Variants in RBFOX3 observed in about 807,000 individuals in gnomAD.
The protein encoded by RBFOX3 is RNA binding fox-1 homolog 3, also known as RNA binding protein fox-1 homolog 3.
A neutral mutation model predicts 48.7 loss-of-function variants in RBFOX3; 17 were observed. The observed-to-expected ratio is 0.35, with a 90% confidence interval of 0.24 to 0.52. RBFOX3 has a LOEUF of 0.52. Ranked by LOEUF, RBFOX3 falls within the 20% of genes least tolerant of loss-of-function variation. RBFOX3 has a pLI of 0.94. For missense variants in RBFOX3, 382 were observed against 497.5 expected (o/e 0.77, Z 2.21); for synonymous variants, 212 against 209.5 (o/e 1.01, Z -0.10).
intron 14 of RBFOX3, among the ~76,000 whole-genome samples, chr17:79,093,195 G>C (rs1269364091): frequency 1.3e-5 from 2 of 152,200 alleles, no homozygotes; most frequent in Non-Finnish European, 2.9e-5. Context: ...TGTCCTACTG[G>C]GGAGAGCGGG....
In RBFOX3 at chr17:79,115,701, G is replaced by GC; in HGVS notation, c.14_15insG (p.Tyr5Ter). MAQP[Y>*]PPAQYPPPPQ... Reference sequence around the variant, plus strand: ...GCGGAGGGGGGTACTGGGCGGGGGGGTAGGGCTGGGCCATCGCTTCAGGCG... The same window carrying GC: ...GCGGAGGGGGGTACTGGGCGGGGGGGCTAGGGCTGGGCCATCGCTTCAGGCG... The change falls in exon 5 of 15, where the codon TAC becomes TAGC. Residue 5 changes from tyrosine (Y) to a stop codon, truncating the protein, a stop_gained and frameshift_variant. Coordinates refer to ENST00000693108, the MANE Select transcript of RBFOX3 (RefSeq NM_001350451.2). LOFTEE classifies it high-confidence loss of function. 3 of 415,910 alleles carry GC rather than the reference G, an allele frequency of 7.2e-6. No homozygotes were observed. Among genetic ancestry groups the GC allele is most frequent in the East Asian group, 5.9e-5 (1 of 16,810 alleles). 25.8% of individuals were successfully genotyped at this position (415,910 alleles called of 1,614,324 possible).
intron 1 of RBFOX3, among the ~76,000 whole-genome samples, 120 bp downstream of exon 1, chr17:79,610,706 A>G (rs1297202253): frequency 1.3e-5 from 2 of 151,936 alleles, no homozygotes; most frequent in African/African-American, 4.8e-5. Context: ...CGCGCTCAGC[A>G]GCCCGCCTCC....
chr17:79,284,355 C>A (rs1367358872), intron 3 of RBFOX3, among the ~76,000 whole-genome samples: 93 of 152,304 alleles, frequency 6.1e-4, no homozygotes, highest in African/African-American at 2.2e-3. Context: ...TAATAACTTT[C>A]TTCAATGTTT....
At position 79,586,625 on chromosome 17, in the gene RBFOX3, GC is replaced by G. The variant is rs2093258290; in HGVS notation, c.-320+24200del. Reference sequence around the variant, plus strand: ...ATGTGGCTAAATCCATTCTGGTAGGGCTTGTAATTGAGCTACTTGGTGAGAT... The same window carrying G: ...ATGTGGCTAAATCCATTCTGGTAGGGTTGTAATTGAGCTACTTGGTGAGAT... On this transcript the variant is annotated intron_variant, in intron 1 of 14. Coordinates refer to ENST00000693108, the MANE Select transcript of RBFOX3 (RefSeq NM_001350451.2). Among the ~76,000 whole-genome samples, 3 of 152,296 alleles carry G rather than the reference GC, an allele frequency of 2.0e-5. No homozygotes were observed. In the South Asian group the frequency reaches 6.2e-4, roughly 32 times the overall value.
At chr17:79,386,574 T>A (rs1201637549) in intron 2 of RBFOX3, among the ~76,000 whole-genome samples, 1 of 152,194 alleles carries the variant, frequency 6.6e-6, no homozygotes, top group East Asian at 1.9e-4. Context: ...AGCCCCCAAG[T>A]GTTCTGTTCT....
the RBFOX3 span, among the ~76,000 whole-genome samples, chr17:79,634,801 T>C: frequency 6.6e-6 from 1 of 152,122 alleles, no homozygotes; most frequent in Non-Finnish European, 1.5e-5. Context: ...GGCTCACACC[T>C]GTAATCCCAG....
At chr17:79,168,218 T>C (rs923430877) in intron 4 of RBFOX3, among the ~76,000 whole-genome samples, 5 of 151,964 alleles carry the variant, frequency 3.3e-5, no homozygotes, top group Non-Finnish European at 7.4e-5. Flanking sequence ...AAGAGGCAGG[T>C]GCGGCTTGCC....
At chr17:79,522,826 A>G (rs1473321994) in intron 1 of RBFOX3, among the ~76,000 whole-genome samples, 1 of 146,172 alleles carries the variant, frequency 6.8e-6, no homozygotes, top group Non-Finnish European at 1.5e-5. Flanking sequence ...GCTACTAGGG[A>G]GGCTGAGGCA....
Position 79,111,128 on chromosome 17 carries a change from A to G in RBFOX3, c.223-4340T>C, listed in dbSNP as rs2031238331. On this transcript the variant is annotated intron_variant, in intron 5 of 14. Transcript: ENST00000693108. This position sits in a 1 kb window ranked among gnomAD's most constrained non-coding sequence, Gnocchi z 4.2. ...CCGAGGAGGCTCAGGCCCGACGGAC[A>G]GCAGAAAGGACAGAGGTTCATCCTG... Among the ~76,000 whole-genome samples the G allele has an allele frequency of 6.6e-6, 1 of 152,236 alleles. No homozygotes were observed. The highest frequency in any genetic ancestry group is 2.4e-5 in the African/African-American group (1 of 41,464).
chr17:79,496,359 G>C (rs1331273890), intron 1 of RBFOX3, among the ~76,000 whole-genome samples: 2 of 152,088 alleles, frequency 1.3e-5, no homozygotes, highest in African/African-American at 2.4e-5. Flanking sequence ...GGAAGGTTTT[G>C]TTTTTTAATG....
At chr17:79,555,966 C>T (rs2143931472) in intron 1 of RBFOX3, among the ~76,000 whole-genome samples, 1 of 152,078 alleles carries the variant, frequency 6.6e-6, no homozygotes, top group Admixed American at 6.5e-5. Context: ...AACAATGTCA[C>T]CAAAACCCAA....
chr17:79,097,691 C>G lies in RBFOX3; in HGVS notation c.622+1G>C. 8.0e-7 allele frequency: 1 copy of G among 1,251,296 alleles called. No homozygotes were observed. The highest frequency in any genetic ancestry group is 1.1e-6 in the Non-Finnish European group (1 of 917,390). The allele number at this position is 1,251,296 out of a possible 1,614,324, so 77.5% of individuals were successfully genotyped here. A position where few individuals can be genotyped will look rare whatever the true frequency, so the allele number is the denominator to read the frequency against. On this transcript the variant is annotated splice_donor_variant, in intron 10 of 14. Transcript: ENST00000693108. LOFTEE classifies it high-confidence loss of function. ...CATCCCCGCCCCGCCCCAGCTTTTACCTGCATAGAATTCAGGCCCGTAGAC... is the reference window on the plus strand; with the variant it reads ...CATCCCCGCCCCGCCCCAGCTTTTAGCTGCATAGAATTCAGGCCCGTAGAC...
At chr17:79,653,817 A>G in the RBFOX3 span, among the ~76,000 whole-genome samples, 1 of 149,946 alleles carries the variant, frequency 6.7e-6, no homozygotes, top group Admixed American at 6.6e-5. Context: ...CTGAGGTGGA[A>G]GTCTTGCTTG....
At chr17:79,261,764 A>G (rs1046776318) in intron 3 of RBFOX3, among the ~76,000 whole-genome samples, 2 of 152,188 alleles carry the variant, frequency 1.3e-5, no homozygotes, top group African/African-American at 4.8e-5. Flanking sequence ...TGAAACCAGG[A>G]TGAAGGCTGC....
At chr17:79,281,280 C>T (rs995047317) in intron 3 of RBFOX3, among the ~76,000 whole-genome samples, 8 of 151,724 alleles carry the variant, frequency 5.3e-5, no homozygotes, top group Admixed American at 2.6e-4. Context: ...AGCTTGGATG[C>T]GTGTGGTTAG....
chr17:79,397,131 C>A (rs2062087970), intron 2 of RBFOX3, among the ~76,000 whole-genome samples: 1 of 152,216 alleles, frequency 6.6e-6, no homozygotes, highest in Non-Finnish European at 1.5e-5. Context: ...GCCCCGCGGA[C>A]AGGCAGGATT....
chr17:79,182,625 G>A (rs1372218149), intron 4 of RBFOX3, among the ~76,000 whole-genome samples: 1 of 151,864 alleles, frequency 6.6e-6, no homozygotes, highest in Non-Finnish European at 1.5e-5. Flanking sequence ...GTGGCTCAGA[G>A]TCGCCGACTT....
At chr17:79,330,673 C>T (rs574693163) in intron 2 of RBFOX3, among the ~76,000 whole-genome samples, 2 of 152,116 alleles carry the variant, frequency 1.3e-5, no homozygotes, top group East Asian at 3.9e-4. Flanking sequence ...CAAAATCCAG[C>T]CCCACGGCCA....
chr17:79,344,939 C>T (rs148774560), intron 2 of RBFOX3, among the ~76,000 whole-genome samples: 11 of 152,352 alleles, frequency 7.2e-5, no homozygotes, highest in Non-Finnish European at 1.6e-4. Context: ...ACATTTGACC[C>T]TCTGACTGCA....
Sources: gnomAD v4.1 joint callset for allele counts (sites outside exome capture counted in the v4.1 genomes callset) on GRCh38, gnomAD v4.1.1 for gene constraint, Gnocchi (gnomAD v3.1) non-coding constraint, MANE v1.5 for transcripts, NCBI Gene and HGNC (gene_info 2026-07-23, HGNC 2026-07-21) for gene names.